Variants in IYD observed in about 807,000 individuals in gnomAD.
IYD encodes iodotyrosine deiodinase.
A neutral mutation model predicts 28.4 loss-of-function variants in IYD; 25 were observed. The observed-to-expected ratio is 0.88, with a 90% CI of 0.64 to 1.23. The LOEUF is 1.23. Among genes scored for constraint, IYD ranks in the 50% most tolerant of loss-of-function variants. The pLI is 0.00. For missense variants in IYD, 352 were observed against 357.9 expected (o/e 0.98, Z 0.13); for synonymous variants, 140 against 130.8 (o/e 1.07, Z -0.48).
chr6:150,402,044 G>A lies in IYD; in HGVS notation c.*3807G>A, dbSNP rs1778526363. ...TGCTCCAGTTCTAATGTATTCCCAG[G>A]TGTTGCTGATGCTGGTGATTGGGTA... On this transcript the variant is annotated 3_prime_UTR_variant, in exon 5 of 5. Transcript: ENST00000344419. The A allele has an allele frequency of 6.6e-6, 1 of 152,208 alleles. No individual in the cohort carries two copies. Among genetic ancestry groups the A allele is most frequent in the Non-Finnish European group, 1.5e-5 (1 of 68,068 alleles). 9.4% of individuals were successfully genotyped at this position (152,208 alleles called of 1,614,324 possible).
At chr6:150,385,632 T>C (rs1315221559) in intron 1 of IYD, among the ~76,000 whole-genome samples, 1 of 152,012 alleles carries the variant, frequency 6.6e-6, no homozygotes, top group Non-Finnish European at 1.5e-5. Context: ...GTACCATGTT[T>C]GTGAGGAAGT....
At chr6:150,389,279 CT>C in intron 1 of IYD, 72 bp from the exon 2 acceptor site, 1 of 1,133,552 alleles carries the variant, frequency 8.8e-7, no homozygotes, top group Non-Finnish European at 1.3e-6. Flanking sequence ...AGCACTTTAT[CT>C]TCTTCTCCCC....
intron 1 of IYD, among the ~76,000 whole-genome samples, chr6:150,376,505 AG>A (rs769667147): frequency 7.3e-4 from 111 of 152,286 alleles, no homozygotes; most frequent in Admixed American, 2.9e-3. Context: ...TGGGAAGGCG[AG>A]GGGTGGAACT....
At position 150,403,594 on chromosome 6, in the gene IYD, T is replaced by C. The variant is rs1778568309; in HGVS notation, c.*5357T>C. On this transcript the variant is annotated 3_prime_UTR_variant, in exon 5 of 5. Coordinates refer to ENST00000344419, the MANE Select transcript of IYD (RefSeq NM_203395.3). ...TCCCTATCTGGGTGGCCTCAGCAAA[T>C]GACGTCCAGCACATCCAGGGGCAGG... 1 of 152,230 alleles carries C rather than the reference T, an allele frequency of 6.6e-6. No homozygotes were observed. The highest frequency in any genetic ancestry group is 2.4e-5 in the African/African-American group (1 of 41,446). The allele number at this position is 152,230 out of a possible 1,614,324, so 9.4% of individuals were successfully genotyped here.
intron 1 of IYD, among the ~76,000 whole-genome samples, chr6:150,380,188 G>A (rs924689104): frequency 2.6e-5 from 4 of 152,236 alleles, no homozygotes; most frequent in African/African-American, 7.2e-5. Flanking sequence ...AATGTAATTT[G>A]CATTATACAT....
At position 150,378,310 on chromosome 6, in the gene IYD, C is replaced by T. The variant is rs546505574; in HGVS notation, c.178+9101C>T. ...CGTCATTTAGCATTAGGTATATCTC[C>T]TAATGCGATCCCTCCCCGCTCCCCC... is the stretch of plus-strand genomic sequence containing the variant. On this transcript the variant is annotated intron_variant, in intron 1 of 4. Coordinates refer to ENST00000344419, the MANE Select transcript of IYD (RefSeq NM_203395.3). 3.3e-5 allele frequency among the ~76,000 whole-genome samples: 5 copies of T among 149,726 alleles called. 1 individual carries two copies. In the South Asian group the frequency reaches 8.6e-4, roughly 26 times the overall value.
chr6:150,381,356 C>T (rs1338173047), intron 1 of IYD, among the ~76,000 whole-genome samples: 2 of 152,152 alleles, frequency 1.3e-5, no homozygotes, highest in South Asian at 2.1e-4. Flanking sequence ...TGTCAAGTGT[C>T]TTTTCTCCTT....
At chr6:150,384,482 A>T (rs1376937839) in intron 1 of IYD, 12 of 152,174 alleles carry the variant, frequency 7.9e-5, no homozygotes, top group Admixed American at 7.9e-4. Context: ...TTGCCTCCTA[A>T]GTTCTAGGAA....
chr6:150,394,518 G>A (rs1778239629), intron 4 of IYD, among the ~76,000 whole-genome samples: 1 of 152,144 alleles, frequency 6.6e-6, no homozygotes, highest in African/African-American at 2.4e-5. Context: ...AGTTTCAAGG[G>A]TTTTGGCAGA....
intron 1 of IYD, among the ~76,000 whole-genome samples, chr6:150,377,964 A>G (rs12198459): frequency 0.098 from 14,946 of 152,192 alleles, 1,025 homozygotes; most frequent in Non-Finnish European, 0.14. Context: ...CATCACACAT[A>G]CTTTCTTCTA....
intron 2 of IYD, among the ~76,000 whole-genome samples, chr6:150,391,132 G>A (rs1287900250): frequency 6.6e-6 from 1 of 152,026 alleles, no homozygotes; most frequent in Non-Finnish European, 1.5e-5. Context: ...AGCTACTCGG[G>A]AGGCTGAGGC....
In IYD at chr6:150,398,737, A is replaced by C. The variant is rs551333912; in HGVS notation, c.*500A>C. The C allele has an allele frequency of 6.4e-6, 1 of 156,938 alleles. No homozygotes were observed. The highest frequency in any genetic ancestry group is 1.4e-5 in the Non-Finnish European group (1 of 71,100). 9.7% of individuals were successfully genotyped at this position (156,938 alleles called of 1,614,324 possible). On this transcript the variant is annotated 3_prime_UTR_variant, in exon 5 of 5. Transcript: ENST00000344419. ...GACACTCTGCTAGTTTTGAATAAGT[A>C]ACCATCAAAGTTACTAAAACATGGC... is the stretch of plus-strand genomic sequence containing the variant.
At chr6:150,373,409 C>G (rs7761373) in intron 1 of IYD, among the ~76,000 whole-genome samples, 23,589 of 152,044 alleles carry the variant, frequency 0.16, 3,664 homozygotes, top group African/African-American at 0.39. Context: ...ACCAGGGGTG[C>G]ACTCACTCCA....
At chr6:150,376,065 C>T (rs1016608348) in intron 1 of IYD, among the ~76,000 whole-genome samples, 3 of 152,182 alleles carry the variant, frequency 2.0e-5, no homozygotes, top group Non-Finnish European at 2.9e-5. Context: ...CTAATTATGG[C>T]ACAATTAACG....
At chr6:150,380,395 A>T (rs987522486) in intron 1 of IYD, among the ~76,000 whole-genome samples, 4 of 152,216 alleles carry the variant, frequency 2.6e-5, no homozygotes, top group Non-Finnish European at 5.9e-5. Flanking sequence ...GTCTAAAAAA[A>T]GAAAGTTGTT....
intron 1 of IYD, among the ~76,000 whole-genome samples, chr6:150,383,421 T>C (rs1777725840): frequency 6.6e-6 from 1 of 152,192 alleles, no homozygotes; most frequent in African/African-American, 2.4e-5. Flanking sequence ...TCTACCTCTG[T>C]GGTACTAACC....
In IYD at chr6:150,398,226, G is replaced by A. The variant is rs1032066874; in HGVS notation, c.859G>A (p.Val287Met). 3 of 1,614,138 alleles carry A rather than the reference G, an allele frequency of 1.9e-6. No individual in the cohort carries two copies. In the South Asian group the frequency reaches 3.3e-5, roughly 18 times the overall value. Residue 287 changes from valine (V) to methionine (M), a missense_variant, in exon 5 of 5, where the codon GTG (valine) becomes ATG (methionine). Physicochemically the swap from Val to Met is conservative, Grantham distance 21. Coordinates refer to ENST00000344419, the MANE Select transcript of IYD (RefSeq NM_203395.3). ...LKRKPLDQIM[V>M]TV is the part of the protein sequence containing the mutation. ...GCGCAAACCTCTGGACCAGATCATG[G>A]TGACAGTGTAGGCAGGGCCCCCCAA... is the stretch of plus-strand genomic sequence containing the variant.
intron 1 of IYD, among the ~76,000 whole-genome samples, chr6:150,379,450 C>G (rs986579595): frequency 1.3e-5 from 2 of 152,176 alleles, no homozygotes; most frequent in African/African-American, 4.8e-5. Flanking sequence ...CATGCCATCC[C>G]CTTGGGAATC....
In IYD at chr6:150,389,633, C is replaced by A. The variant is rs553971232; in HGVS notation, c.370+90C>A. 4.4e-6 allele frequency: 5 copies of A among 1,132,456 alleles called. No individual in the cohort carries two copies. In the Admixed American group the frequency reaches 5.1e-5, roughly 11 times the overall value. 70.2% of individuals were successfully genotyped at this position (1,132,456 alleles called of 1,614,324 possible). On this transcript the variant is annotated intron_variant, in intron 2 of 4. Transcript: ENST00000344419. ...GAAAAATGTCAAAGTTTAAACATAGCGAATAAAGCCTAGAGTGATATGTTT... is the reference window on the plus strand; with the variant it reads ...GAAAAATGTCAAAGTTTAAACATAGAGAATAAAGCCTAGAGTGATATGTTT...
Sources: allele counts gnomAD v4.1 joint callset (sites outside exome capture counted in the v4.1 genomes callset), GRCh38; gene constraint gnomAD v4.1.1; transcripts MANE v1.5; gene names NCBI Gene and HGNC (gene_info 2026-07-23, HGNC 2026-07-21).